The following DCDC2 variants were observed in gnomAD, a reference collection of about 807,000 sequenced individuals.
DCDC2 encodes doublecortin domain-containing protein 2.
In DCDC2, 40 loss-of-function variants were observed where a neutral mutation model predicts 50.2. The observed-to-expected ratio is 0.80, with a 90% CI of 0.62 to 1.04. The LOEUF is 1.04. Ranked by LOEUF, DCDC2 falls within the 50% of genes least tolerant of loss-of-function variation. DCDC2 has a pLI of 0.00. For synonymous variants in DCDC2, 234 were observed against 210.6 expected (o/e 1.11, Z -0.96); for missense variants, 570 against 581.9 (o/e 0.98, Z 0.21).
In DCDC2 at chr6:24,357,806, T is replaced by C. The variant is rs200664687; in HGVS notation, c.-56A>G. The C allele has an allele frequency of 5.8e-4, 934 of 1,609,430 alleles. 1 individual carries two copies. The highest frequency in any genetic ancestry group is 7.7e-4 in the Non-Finnish European group (901 of 1,177,474). On this transcript the variant is annotated 5_prime_UTR_variant, in exon 1 of 10. Transcript: ENST00000378454. ...GCTTCGCGTCGGGAGGCACCTCCGC[T>C]GTCCCAGCGGCCTCACCGCACCCAG...
chr6:24,358,914 A>ATATATTATATAT (rs1461313525), upstream of DCDC2, among the ~76,000 whole-genome samples: 4 of 35,980 alleles, frequency 1.1e-4, no homozygotes, highest in African/African-American at 4.1e-4. Context: ...ATTATATATT[A>ATATATTATATAT]TATATATTAT....
rs1760859577 is a variant in DCDC2, at chr6:24,174,617, T to C, written c.*113A>G. 3 of 642,260 alleles carry C rather than the reference T, an allele frequency of 4.7e-6. No homozygotes were observed. Among genetic ancestry groups the C allele is most frequent in the Non-Finnish European group, 7.9e-6 (3 of 378,754 alleles). The allele number at this position is 642,260 out of a possible 1,614,324, so 39.8% of individuals were successfully genotyped here. On this transcript the variant is annotated 3_prime_UTR_variant, in exon 10 of 10. Transcript: ENST00000378454. ...GGCTTCTAATGTTATAATTCGTAGG[T>C]AGTATTCGACCATAGTGTCACATTA...
the DCDC2 span, among the ~76,000 whole-genome samples, chr6:24,369,710 C>T: frequency 1.3e-5 from 2 of 151,968 alleles, no homozygotes; most frequent in African/African-American, 4.8e-5. Context: ...AGTTTTTAAA[C>T]AGCATGACAC....
At chr6:24,293,704 T>A (rs1404587980) in intron 4 of DCDC2, among the ~76,000 whole-genome samples, 1 of 152,212 alleles carries the variant, frequency 6.6e-6, no homozygotes, top group East Asian at 1.9e-4. Context: ...TCTATGGAAC[T>A]CTCTATCCCA....
chr6:24,305,267 C>G, intron 2 of DCDC2, among the ~76,000 whole-genome samples: 1 of 152,084 alleles, frequency 6.6e-6, no homozygotes. Flanking sequence ...TTTCCTCATT[C>G]GGCATGGCAA....
At chr6:24,318,342 A>G (rs12192947) in intron 2 of DCDC2, among the ~76,000 whole-genome samples, 27,706 of 151,936 alleles carry the variant, frequency 0.18, 2,656 homozygotes, top group African/African-American at 0.24. Context: ...AGATCTTTAC[A>G]TACCAATATG....
At chr6:24,209,971 T>C (rs1418349378) in intron 7 of DCDC2, among the ~76,000 whole-genome samples, 1 of 152,070 alleles carries the variant, frequency 6.6e-6, no homozygotes, top group Non-Finnish European at 1.5e-5. Flanking sequence ...CAATATTTAT[T>C]ATCTCATTTA....
chr6:24,187,316 G>A (rs1194174749), intron 8 of DCDC2, among the ~76,000 whole-genome samples: 3 of 152,106 alleles, frequency 2.0e-5, no homozygotes, highest in Admixed American at 6.5e-5. Context: ...AGAGCCCTGG[G>A]CCACGGGCGG....
chr6:24,200,735 T>C (rs1761567459), intron 8 of DCDC2, among the ~76,000 whole-genome samples: 1 of 151,814 alleles, frequency 6.6e-6, no homozygotes, highest in Non-Finnish European at 1.5e-5. Flanking sequence ...CCCATCGGTG[T>C]GCTGTATTCA....
At chr6:24,210,019 G>GGTGTGTGT (rs71002475) in intron 7 of DCDC2, among the ~76,000 whole-genome samples, 6,432 of 145,104 alleles carry the variant, frequency 0.044, 243 homozygotes, top group East Asian at 0.24. Context: ...GCAGTATCAG[G>GGTGTGTGT]GTGTGTGTGT....
At chr6:24,224,427 CAG>C (rs1177147694) in intron 7 of DCDC2, among the ~76,000 whole-genome samples, 2 of 152,200 alleles carry the variant, frequency 1.3e-5, no homozygotes, top group African/African-American at 4.8e-5. Flanking sequence ...GCACAGAGGA[CAG>C]AGCTGTTAAA....
intron 4 of DCDC2, among the ~76,000 whole-genome samples, chr6:24,291,676 C>A (rs62400413): frequency 6.7e-6 from 1 of 150,364 alleles, no homozygotes; most frequent in Non-Finnish European, 1.5e-5. Context: ...TAGTAGAGAC[C>A]GGGTTTCACC....
upstream of DCDC2, among the ~76,000 whole-genome samples, chr6:24,361,328 G>A (rs767459430): frequency 2.0e-5 from 3 of 152,004 alleles, no homozygotes; most frequent in Non-Finnish European, 2.9e-5. Context: ...TGAGTATCAG[G>A]CTTAGTACCT....
chr6:24,296,657 T>C (rs1189474887), intron 4 of DCDC2, among the ~76,000 whole-genome samples: 1 of 151,996 alleles, frequency 6.6e-6, no homozygotes, highest in East Asian at 1.9e-4. Flanking sequence ...GCAAAGGACA[T>C]GAACAGACAC....
At chr6:24,358,671 G>C (rs570203359), upstream of DCDC2, among the ~76,000 whole-genome samples, 2 of 130,896 alleles carry the variant, frequency 1.5e-5, no homozygotes, top group South Asian at 4.8e-4. Context: ...GACACAGCAA[G>C]ACCCTGTCTT....
intron 7 of DCDC2, among the ~76,000 whole-genome samples, chr6:24,220,828 G>A (rs941235651): frequency 6.7e-5 from 10 of 149,758 alleles, no homozygotes; most frequent in Admixed American, 2.7e-4. Flanking sequence ...CGAAGGGGAA[G>A]CAAGTCACAT....
intron 2 of DCDC2, among the ~76,000 whole-genome samples, chr6:24,307,148 A>T (rs1759488588): frequency 1.3e-5 from 2 of 152,166 alleles, no homozygotes; most frequent in African/African-American, 4.8e-5. Context: ...ATAAAGTGGA[A>T]ATATCACTCC....
At chr6:24,177,817 G>C (rs1760958293) in intron 9 of DCDC2, among the ~76,000 whole-genome samples, 1 of 152,172 alleles carries the variant, frequency 6.6e-6, no homozygotes, top group Admixed American at 6.5e-5. Context: ...AGTGCCTAAT[G>C]TGTTGAATGC....
chr6:24,216,567 A>G (rs957996192), intron 7 of DCDC2, among the ~76,000 whole-genome samples: 4 of 152,236 alleles, frequency 2.6e-5, no homozygotes, highest in Non-Finnish European at 5.9e-5. Flanking sequence ...CTGTGAAGTA[A>G]AGAGAGACCA....
Sources: gnomAD v4.1 joint callset for allele counts (sites outside exome capture counted in the v4.1 genomes callset) on GRCh38, gnomAD v4.1.1 for gene constraint, MANE v1.5 for transcripts, NCBI Gene and HGNC (gene_info 2026-07-23, HGNC 2026-07-21) for gene names.